The following AVEN variants were observed in gnomAD, a reference collection of about 807,000 sequenced individuals.
The protein encoded by AVEN is apoptosis and caspase activation inhibitor, also known as cell death regulator Aven.
AVEN carries 41 observed loss-of-function variants against 38.1 expected under a neutral mutation model. That is an observed-to-expected ratio of 1.08 (90% CI 0.84 to 1.40). The LOEUF (loss-of-function observed/expected upper bound fraction) is 1.40. Among genes scored for constraint, AVEN ranks in the 40% most tolerant of loss-of-function variants. The probability of loss-of-function intolerance (pLI) is 0.00; values close to 1 mark genes in which losing one functional copy is unlikely to be tolerated. For synonymous variants in AVEN, 206 were observed against 171.8 expected, an observed-to-expected ratio of 1.20 and a Z score of -1.56; for missense variants, 605 against 438.8, an observed-to-expected ratio of 1.38 and a Z score of -3.38.
intron 2 of AVEN, chr15:33,968,726 A>G (rs1197109749): frequency 6.6e-6 from 1 of 152,156 alleles, no homozygotes; most frequent in Non-Finnish European, 1.5e-5. Context: ...AGTCCAGATA[A>G]TGTTTTTTAA....
chr15:33,887,298 C>T (rs926499032), intron 2 of AVEN, among the ~76,000 whole-genome samples: 7 of 152,176 alleles, frequency 4.6e-5, no homozygotes, highest in Non-Finnish European at 5.9e-5. Flanking sequence ...ATTGTGCTCA[C>T]TAAACCATGA....
intron 2 of AVEN, among the ~76,000 whole-genome samples, chr15:33,878,136 G>A (rs1345165540): frequency 3.3e-5 from 5 of 152,102 alleles, no homozygotes; most frequent in Non-Finnish European, 7.4e-5. Context: ...TTCACCTAAT[G>A]AAGTCTATAA....
intron 2 of AVEN, among the ~76,000 whole-genome samples, chr15:33,954,140 AGTCAG>A (rs1894863053): frequency 6.6e-6 from 1 of 152,252 alleles, no homozygotes; most frequent in South Asian, 2.1e-4. Flanking sequence ...ATCATTAAAA[AGTCAG>A]GAAACAACAG....
At chr15:34,057,845 T>C (rs939379306) in intron 5 of AVEN, among the ~76,000 whole-genome samples, 3 of 152,238 alleles carry the variant, frequency 2.0e-5, no homozygotes, top group African/African-American at 7.2e-5. Context: ...AGGTTTTTAA[T>C]CTGAAGCTGA....
chr15:33,875,880 C>T, intron 3 of AVEN, 45 bp downstream of exon 3: 1 of 1,538,854 alleles, frequency 6.5e-7, no homozygotes, highest in East Asian at 2.3e-5. Flanking sequence ...TAGCCTTCAG[C>T]CTTGAAGAAG....
intron 2 of AVEN, among the ~76,000 whole-genome samples, chr15:33,895,314 T>C (rs1179937064): frequency 1.3e-5 from 2 of 150,610 alleles, no homozygotes; most frequent in Non-Finnish European, 2.9e-5. Context: ...CTGTTTTCAA[T>C]GCAACTATAT....
intron 1 of AVEN, among the ~76,000 whole-genome samples, chr15:34,023,724 GT>G (rs992189671): frequency 2.0e-5 from 3 of 152,174 alleles, no homozygotes; most frequent in African/African-American, 7.2e-5. Flanking sequence ...AAAAGGCCAG[GT>G]GAGCAGTTAA....
chr15:33,957,101 C>T (rs1894985368), intron 2 of AVEN, among the ~76,000 whole-genome samples: 1 of 152,192 alleles, frequency 6.6e-6, no homozygotes. Context: ...CCTGTGAGCT[C>T]CTCAGGAACA....
chr15:33,911,212 G>A (rs1226677144), intron 2 of AVEN, among the ~76,000 whole-genome samples: 1 of 152,130 alleles, frequency 6.6e-6, no homozygotes, highest in Non-Finnish European at 1.5e-5. Context: ...TATTAAGTAG[G>A]AGTCAAGCAA....
chr15:33,981,447 G>GT lies in AVEN; in HGVS notation c.445+21584dup, dbSNP rs532105818. Among the ~76,000 whole-genome samples, 3 of 151,862 alleles carry GT rather than the reference G, an allele frequency of 2.0e-5. No homozygotes were observed. The South Asian group carries it at 6.2e-4, about 32-fold the overall frequency. ...AAGGCACCAAACTAAACATAACCAAGTTTTTTTAAGTAGCCAAAAGCTTTC... is the reference window on the plus strand; with the variant it reads ...AAGGCACCAAACTAAACATAACCAAGTTTTTTTTAAGTAGCCAAAAGCTTTC... On this transcript the variant is annotated intron_variant, in intron 2 of 5. Transcript: ENST00000306730.
intron 5 of AVEN, among the ~76,000 whole-genome samples, chr15:34,058,681 C>G (rs1292487115): frequency 6.6e-6 from 1 of 151,788 alleles, no homozygotes; most frequent in Non-Finnish European, 1.5e-5. Context: ...TTTGCTTCTG[C>G]TTTCTTCAGG....
At chr15:33,991,659 T>G (rs549125251) in intron 2 of AVEN, 1 of 152,284 alleles carries the variant, frequency 6.6e-6, no homozygotes, top group African/African-American at 2.4e-5. Context: ...GGATACACTT[T>G]ATCAGTAGAG....
intron 2 of AVEN, among the ~76,000 whole-genome samples, chr15:33,923,310 T>C (rs996074436): frequency 3.9e-5 from 6 of 152,244 alleles, no homozygotes; most frequent in African/African-American, 1.4e-4. Flanking sequence ...GTTTAACTCC[T>C]ATAATTTTAA....
chr15:33,896,477 C>G (rs1422418389), intron 2 of AVEN, among the ~76,000 whole-genome samples: 4 of 152,162 alleles, frequency 2.6e-5, no homozygotes, highest in African/African-American at 9.7e-5. Context: ...TGTTAATTAT[C>G]TCTCCTGGTT....
At chr15:33,880,489 C>T (rs1341490551) in intron 2 of AVEN, among the ~76,000 whole-genome samples, 2 of 152,086 alleles carry the variant, frequency 1.3e-5, no homozygotes, top group Non-Finnish European at 2.9e-5. Flanking sequence ...GGCTTTCAGG[C>T]GGGACCCCCT....
At chr15:34,009,604 A>G (rs1244349979) in intron 1 of AVEN, among the ~76,000 whole-genome samples, 1 of 152,236 alleles carries the variant, frequency 6.6e-6, no homozygotes, top group Non-Finnish European at 1.5e-5. Flanking sequence ...GCATGACTAC[A>G]TAAATATCAG....
intron 2 of AVEN, among the ~76,000 whole-genome samples, chr15:33,951,044 A>G (rs1310523269): frequency 6.9e-6 from 1 of 143,962 alleles, no homozygotes; most frequent in Non-Finnish European, 1.5e-5. Flanking sequence ...AGGAAGGGAG[A>G]GAGGGTGGGA....
chr15:33,998,217 A>C (rs943722733), intron 2 of AVEN, among the ~76,000 whole-genome samples: 24 of 152,196 alleles, frequency 1.6e-4, no homozygotes, highest in Admixed American at 2.6e-4. Flanking sequence ...TATCAAGCTC[A>C]TATCTACTAA....
intron 2 of AVEN, among the ~76,000 whole-genome samples, chr15:33,896,660 C>T (rs1185155345): frequency 2.6e-5 from 4 of 152,192 alleles, no homozygotes; most frequent in Non-Finnish European, 5.9e-5. Flanking sequence ...TAACAATCAA[C>T]TCTGAAGCTG....
Sources: gnomAD v4.1 joint callset for allele counts (sites outside exome capture counted in the v4.1 genomes callset) on GRCh38, gnomAD v4.1.1 for gene constraint, MANE v1.5 for transcripts, NCBI Gene and HGNC (gene_info 2026-07-23, HGNC 2026-07-21) for gene names.